CASTOR2: variants seen among roughly 807,000 people sequenced by gnomAD.
CASTOR2 encodes the protein cytosolic arginine sensor for mTORC1 subunit 2.
A neutral mutation model predicts 31.2 loss-of-function variants in CASTOR2; 8 were observed. The observed-to-expected ratio is 0.26, with a 90% CI of 0.15 to 0.46. The LOEUF is 0.46. Among genes scored for constraint, CASTOR2 ranks in the 20% least tolerant of loss-of-function variants. The pLI is 0.99. For synonymous variants in CASTOR2, 162 were observed against 158.7 expected (o/e 1.02, Z -0.16); for missense variants, 216 against 382.1 (o/e 0.57, Z 3.62).
Position 75,030,090 on chromosome 7 carries a change from A to G in CASTOR2, c.*5391A>G, listed in dbSNP as rs1435347013. On this transcript the variant is annotated 3_prime_UTR_variant, in exon 9 of 9. Transcript: ENST00000616305. Reference sequence around the variant, plus strand: ...GAGGCCTGAGCCATGGCATCCAGGGACAGCCTGGTGGCCGAGAGAGCTTGT... The same window carrying G: ...GAGGCCTGAGCCATGGCATCCAGGGGCAGCCTGGTGGCCGAGAGAGCTTGT... 2.0e-5 allele frequency among the ~76,000 whole-genome samples: 3 copies of G among 152,246 alleles called. No homozygotes were observed. The highest frequency in any genetic ancestry group is 2.9e-5 in the Non-Finnish European group (2 of 68,048).
chr7:75,023,018 GGGAAGAAGCAC>G (rs1805040824), intron 7 of CASTOR2, among the ~76,000 whole-genome samples: 1 of 151,888 alleles, frequency 6.6e-6, no homozygotes, highest in South Asian at 2.1e-4. Context: ...TTTCCATCCT[GGGAAGAAGCAC>G]CGGGCAAGGT....
At position 75,028,594 on chromosome 7, in the gene CASTOR2, C is replaced by G. The variant is rs1003768342; in HGVS notation, c.*3895C>G. ...GTGGGAGCTGAAGGATGGGGAGGAA[C>G]AGAGCAGTGACCACCCCTCCCTGCC... On this transcript the variant is annotated 3_prime_UTR_variant, in exon 9 of 9. Transcript: ENST00000616305. Among the ~76,000 whole-genome samples, 54 of 152,230 alleles carry G rather than the reference C, an allele frequency of 3.5e-4. No homozygotes were observed. Among genetic ancestry groups the G allele is most frequent in the African/African-American group, 1.2e-3 (49 of 41,536 alleles).
intron 2 of CASTOR2, among the ~76,000 whole-genome samples, 167 bp downstream of exon 2, chr7:75,008,231 T>G (rs1804648682): frequency 6.6e-6 from 1 of 151,976 alleles, no homozygotes; most frequent in Non-Finnish European, 1.5e-5. Flanking sequence ...CAGAGTGTAT[T>G]TCCTTCTCTC....
chr7:74,996,644 C>A (rs1401656370), intron 1 of CASTOR2, among the ~76,000 whole-genome samples: 31 of 137,834 alleles, frequency 2.2e-4, no homozygotes, highest in African/African-American at 8.0e-4. Flanking sequence ...AGGGAAGTGT[C>A]GTGCCATTAA....
chr7:75,003,062 C>G (rs1804531950), intron 1 of CASTOR2, among the ~76,000 whole-genome samples: 1 of 152,034 alleles, frequency 6.6e-6, no homozygotes, highest in African/African-American at 2.4e-5. Context: ...GGGATGACTT[C>G]AAGAAGCAAG....
In CASTOR2 at chr7:75,021,308, G is replaced by A. The variant is rs979916810; in HGVS notation, c.747-566G>A. Among the ~76,000 whole-genome samples, 5 of 152,134 alleles carry A rather than the reference G, an allele frequency of 3.3e-5. No individual in the cohort carries two copies. In the South Asian group the frequency reaches 6.2e-4, roughly 19 times the overall value. ...CACCTGGCCAATTTTTGTATTTTTC[G>A]TAGAGATGGGGCTTCGCCATGCTGA... On this transcript the variant is annotated intron_variant, in intron 6 of 8. Transcript: ENST00000616305.
chr7:75,027,907 C>A lies in CASTOR2; in HGVS notation c.*3208C>A. The stretch of plus-strand genomic sequence containing the variant: ...CCTTGTCCCCCAGCTATCTCCTGGT[C>A]TGCTGGGTGGGAGGGTCTCTCCAGG... On this transcript the variant is annotated 3_prime_UTR_variant, in exon 9 of 9. Transcript: ENST00000616305. 9.3e-7 allele frequency: 1 copy of A among 1,072,728 alleles called. No individual in the cohort carries two copies. The highest frequency in any genetic ancestry group is 1.3e-5 in the South Asian group (1 of 74,456). The allele number at this position is 1,072,728 out of a possible 1,614,324, so 66.5% of individuals were successfully genotyped here.
At chr7:74,994,921 G>A (rs1247589217) in intron 1 of CASTOR2, among the ~76,000 whole-genome samples, 1 of 152,140 alleles carries the variant, frequency 6.6e-6, no homozygotes, top group Non-Finnish European at 1.5e-5. Flanking sequence ...CTACGCTGGG[G>A]AGGAGAAGAG....
chr7:75,023,924 CTA>C lies in CASTOR2; in HGVS notation c.830-514_830-513del, dbSNP rs1805066132. ...ATTTGGGCAGGAACACAAAGCCAAACTATTTCACTGGCCAGCGACCAGAGAAG... is the reference window on the plus strand; with the variant it reads ...ATTTGGGCAGGAACACAAAGCCAAACTTTCACTGGCCAGCGACCAGAGAAG... On this transcript the variant is annotated intron_variant, in intron 7 of 8. Coordinates refer to ENST00000616305, the MANE Select transcript of CASTOR2 (RefSeq NM_001145064.3). Among the ~76,000 whole-genome samples the C allele has an allele frequency of 2.6e-5, 4 of 152,152 alleles. No homozygotes were observed. In the South Asian group the frequency reaches 6.2e-4, roughly 24 times the overall value.
At chr7:74,978,218 C>G (rs2131919361) in intron 1 of CASTOR2, among the ~76,000 whole-genome samples, 1 of 150,296 alleles carries the variant, frequency 6.7e-6, no homozygotes, top group South Asian at 2.1e-4. Flanking sequence ...ATTCTGGTCC[C>G]TCAGCCTCCC....
intron 1 of CASTOR2, among the ~76,000 whole-genome samples, chr7:75,005,704 T>A (rs1804592267): frequency 6.6e-6 from 1 of 152,160 alleles, no homozygotes; most frequent in Non-Finnish European, 1.5e-5. Context: ...TATAAGAAAT[T>A]GCCGGCTGGG....
chr7:75,015,081 C>T (rs1181145358), intron 2 of CASTOR2, among the ~76,000 whole-genome samples: 19 of 152,224 alleles, frequency 1.2e-4, no homozygotes, highest in Middle Eastern at 6.3e-3. Context: ...CCAGCGGGAC[C>T]AATGGGCTCC....
At chr7:74,994,118 GA>G (rs1438768912) in intron 1 of CASTOR2, among the ~76,000 whole-genome samples, 1 of 152,254 alleles carries the variant, frequency 6.6e-6, no homozygotes, top group Admixed American at 6.5e-5. Context: ...CAGCCGCAGC[GA>G]TTGAAGATGG....
At chr7:74,983,289 G>C (rs1423462058) in intron 1 of CASTOR2, among the ~76,000 whole-genome samples, 1 of 150,152 alleles carries the variant, frequency 6.7e-6, no homozygotes, top group Non-Finnish European at 1.5e-5. Context: ...TGGGATTACA[G>C]GCGTGAGCCA....
chr7:74,996,616 TTA>T (rs1804353162), intron 1 of CASTOR2, among the ~76,000 whole-genome samples: 1 of 151,288 alleles, frequency 6.6e-6, no homozygotes, highest in African/African-American at 2.4e-5. Flanking sequence ...GAGCTTCTGG[TTA>T]TGTCAGGGAA....
At chr7:74,989,109 C>T (rs1322194653) in intron 1 of CASTOR2, among the ~76,000 whole-genome samples, 4 of 150,916 alleles carry the variant, frequency 2.7e-5, no homozygotes, top group African/African-American at 4.9e-5. Context: ...TACAGGCGCC[C>T]GCCACCATGC....
chr7:75,002,054 G>A lies in CASTOR2; in HGVS notation c.114-5940G>A, dbSNP rs1335408681. ...GGGAGATGAGGGAAAGGAAGTGGCT[G>A]GTGTTGATCAGGCAGGGTTTTATTT... On this transcript the variant is annotated intron_variant, in intron 1 of 8. Coordinates refer to ENST00000616305, the MANE Select transcript of CASTOR2 (RefSeq NM_001145064.3). Among the ~76,000 whole-genome samples, 23 of 152,122 alleles carry A rather than the reference G, an allele frequency of 1.5e-4. No individual in the cohort carries two copies. The South Asian group carries it at 4.6e-3, about 30-fold the overall frequency.
At position 75,025,649 on chromosome 7, in the gene CASTOR2, C is replaced by T. The variant is rs1805108748; in HGVS notation, c.*950C>T. On this transcript the variant is annotated 3_prime_UTR_variant, in exon 9 of 9. Transcript: ENST00000616305. ...AAGTCACCTGCCTGCCCACCCGCCCCTTGGCTGGGGGCTGTGGCATTCATG... is the reference window on the plus strand; with the variant it reads ...AAGTCACCTGCCTGCCCACCCGCCCTTTGGCTGGGGGCTGTGGCATTCATG... 6.6e-6 allele frequency among the ~76,000 whole-genome samples: 1 copy of T among 152,266 alleles called. No individual in the cohort carries two copies. Among genetic ancestry groups the T allele is most frequent in the Non-Finnish European group, 1.5e-5 (1 of 68,044 alleles).
At chr7:74,997,993 C>T (rs1346967730) in intron 1 of CASTOR2, among the ~76,000 whole-genome samples, 1 of 152,056 alleles carries the variant, frequency 6.6e-6, no homozygotes, top group Non-Finnish European at 1.5e-5. Context: ...CACGGATCCT[C>T]TTGTCTGTGT....
Sources: gnomAD v4.1 joint callset for allele counts (sites outside exome capture counted in the v4.1 genomes callset) on GRCh38, gnomAD v4.1.1 for gene constraint, MANE v1.5 for transcripts, NCBI Gene and HGNC (gene_info 2026-07-23, HGNC 2026-07-21) for gene names.